AGBL1: variants seen among roughly 807,000 people sequenced by gnomAD.
AGBL1 encodes the protein AGBL carboxypeptidase 1.
In AGBL1, 130 loss-of-function variants were observed where a neutral mutation model predicts 118.9. The observed-to-expected ratio is 1.09, with a 90% CI of 0.95 to 1.26. AGBL1 has a LOEUF of 1.26. Ranked by LOEUF, AGBL1 falls within the 50% of genes most tolerant of loss-of-function variation. AGBL1 has a pLI of 0.00. For synonymous variants in AGBL1, 555 were observed against 478.9 expected, an observed-to-expected ratio of 1.16 and a Z score of -2.08; for missense variants, 1,584 against 1,298.1, an observed-to-expected ratio of 1.22 and a Z score of -3.38.
At chr15:86,703,942 A>G (rs2142655611) in intron 22 of AGBL1, among the ~76,000 whole-genome samples, 1 of 152,270 alleles carries the variant, frequency 6.6e-6, no homozygotes, top group East Asian at 1.9e-4. Flanking sequence ...CACAACAGAT[A>G]TATAGACCAA....
intron 22 of AGBL1, among the ~76,000 whole-genome samples, chr15:86,697,701 T>C (rs916458762): frequency 2.0e-5 from 3 of 151,882 alleles, no homozygotes; most frequent in African/African-American, 7.3e-5. Context: ...CTGGTTCCTT[T>C]TCATTTGGGT....
intron 23 of AGBL1, among the ~76,000 whole-genome samples, chr15:86,947,980 T>G (rs1423044863): frequency 6.6e-6 from 1 of 152,162 alleles, no homozygotes; most frequent in East Asian, 1.9e-4. Context: ...CATCAAATAA[T>G]TTTCCCCCAT....
chr15:86,629,088 T>C (rs948007976), intron 21 of AGBL1, among the ~76,000 whole-genome samples: 1 of 152,114 alleles, frequency 6.6e-6, no homozygotes, highest in Non-Finnish European at 1.5e-5. Flanking sequence ...TCTCCAGAAT[T>C]TACTCATTTT....
chr15:86,789,880 G>A (rs12914624), intron 22 of AGBL1, among the ~76,000 whole-genome samples: 59,016 of 151,904 alleles, frequency 0.39, 13,348 homozygotes, highest in Non-Finnish European at 0.53. Context: ...GGCTTAGATG[G>A]CTCCAATCAT....
At chr15:86,748,816 T>A (rs111801025) in intron 22 of AGBL1, among the ~76,000 whole-genome samples, 28,310 of 151,736 alleles carry the variant, frequency 0.19, 2,798 homozygotes, top group East Asian at 0.28. Flanking sequence ...GATCAGATGG[T>A]TGTAGATGTG....
chr15:86,456,747 T>C (rs1407557660), intron 18 of AGBL1, among the ~76,000 whole-genome samples: 1 of 152,214 alleles, frequency 6.6e-6, no homozygotes, highest in Middle Eastern at 3.2e-3. Context: ...TTCATGACAG[T>C]TTTGATGCTT....
chr15:86,910,620 G>A lies in AGBL1; in HGVS notation c.*3326G>A, dbSNP rs1567235341. 6.6e-6 allele frequency: 1 copy of A among 152,164 alleles called. No individual in the cohort carries two copies. The highest frequency in any genetic ancestry group is 1.5e-5 in the Non-Finnish European group (1 of 68,058). 9.4% of individuals were successfully genotyped at this position (152,164 alleles called of 1,614,324 possible). A position where few individuals can be genotyped will look rare whatever the true frequency, so the allele number is the denominator to read the frequency against. On this transcript the variant is annotated 3_prime_UTR_variant, in exon 23 of 23. Coordinates refer to ENST00000614907, the MANE Select transcript of AGBL1 (RefSeq NM_001386094.1). Reference sequence around the variant, plus strand: ...TTGAAGAGCAGAACGTTTGCATTCAGGTCAAAGATAATAAGTGCAGTTTGG... The same window carrying A: ...TTGAAGAGCAGAACGTTTGCATTCAAGTCAAAGATAATAAGTGCAGTTTGG...
intron 22 of AGBL1, among the ~76,000 whole-genome samples, chr15:86,734,213 TTG>T (rs1478106438): frequency 6.6e-6 from 1 of 152,196 alleles, no homozygotes; most frequent in Non-Finnish European, 1.5e-5. Context: ...CAAGGTCACA[TTG>T]TGACCTAGAA....
intron 22 of AGBL1, among the ~76,000 whole-genome samples, chr15:86,728,144 C>G (rs1316057964): frequency 1.3e-5 from 2 of 152,148 alleles, no homozygotes; most frequent in Non-Finnish European, 2.9e-5. Flanking sequence ...AGTCATTGAA[C>G]TGGAAAGGAT....
chr15:86,352,662 AG>A (rs1312810170), intron 17 of AGBL1, among the ~76,000 whole-genome samples: 2 of 151,912 alleles, frequency 1.3e-5, no homozygotes, highest in Non-Finnish European at 2.9e-5. Flanking sequence ...TTGTATTTTT[AG>A]TAGAGATGGG....
intron 17 of AGBL1, among the ~76,000 whole-genome samples, chr15:86,370,449 C>A (rs11858710): frequency 0.035 from 5,368 of 152,096 alleles, 311 homozygotes; most frequent in African/African-American, 0.12. Context: ...GGATTACAGG[C>A]ACCCGCCATC....
At chr15:86,366,335 C>T (rs1457967080) in intron 17 of AGBL1, among the ~76,000 whole-genome samples, 1 of 152,086 alleles carries the variant, frequency 6.6e-6, no homozygotes, top group Non-Finnish European at 1.5e-5. Context: ...TAAAGAGCTT[C>T]CTTTGAGTGA....
At position 86,358,814 on chromosome 15, in the gene AGBL1, C is replaced by A. The variant is rs150142062; in HGVS notation, c.2375-38552C>A. On this transcript the variant is annotated intron_variant, in intron 17 of 22. Coordinates refer to ENST00000614907, the MANE Select transcript of AGBL1 (RefSeq NM_001386094.1). ...TTCCTACACCTGTTGGCTGTTTGTA[C>A]GTTTTTTCTTGAGAAATGTTTATTC... Among the ~76,000 whole-genome samples, 180 of 151,818 alleles carry A rather than the reference C, an allele frequency of 1.2e-3. 1 individual carries two copies. Among genetic ancestry groups the A allele is most frequent in the African/African-American group, 4.1e-3 (170 of 41,466 alleles).
At chr15:86,196,419 C>T (rs2077803334) in intron 5 of AGBL1, among the ~76,000 whole-genome samples, 1 of 152,062 alleles carries the variant, frequency 6.6e-6, no homozygotes, top group Non-Finnish European at 1.5e-5. Context: ...TTCCTAGAGC[C>T]CTTAGGTGTG....
intron 18 of AGBL1, among the ~76,000 whole-genome samples, chr15:86,483,355 T>C (rs577190302): frequency 6.6e-6 from 1 of 152,126 alleles, no homozygotes; most frequent in Non-Finnish European, 1.5e-5. Context: ...TTTAAGGTGG[T>C]TGGTGTCAGG....
intron 22 of AGBL1, among the ~76,000 whole-genome samples, chr15:86,837,503 T>A (rs1361166498): frequency 3.3e-5 from 5 of 152,106 alleles, no homozygotes. Context: ...TTCTCTTGTG[T>A]CAAAAAGGCA....
chr15:86,961,112 T>C (rs1567260685), intron 23 of AGBL1, among the ~76,000 whole-genome samples: 1 of 152,066 alleles, frequency 6.6e-6, no homozygotes. Flanking sequence ...CACAGACAAA[T>C]GGTAACTATG....
intron 5 of AGBL1, among the ~76,000 whole-genome samples, chr15:86,221,847 T>C (rs1301128015): frequency 6.6e-6 from 1 of 152,170 alleles, no homozygotes; most frequent in Non-Finnish European, 1.5e-5. Flanking sequence ...AGATCACTGC[T>C]AACCTTTGCT....
downstream of AGBL1, among the ~76,000 whole-genome samples, chr15:87,029,431 T>TAA (rs2081765219): frequency 6.6e-6 from 1 of 151,960 alleles, no homozygotes. Flanking sequence ...TTTGATGTGC[T>TAA]AATACTTTAT....
Sources: allele counts gnomAD v4.1 joint callset (sites outside exome capture counted in the v4.1 genomes callset), GRCh38; gene constraint gnomAD v4.1.1; transcripts MANE v1.5; gene names NCBI Gene and HGNC (gene_info 2026-07-23, HGNC 2026-07-21).